Variants in COL25A1 observed in about 807,000 individuals in gnomAD.
The protein encoded by COL25A1 is collagen type XXV alpha 1 chain.
A neutral mutation model predicts 128.4 loss-of-function variants in COL25A1; 103 were observed. That is an observed-to-expected ratio of 0.80 (90% CI 0.68 to 0.94). The LOEUF (loss-of-function observed/expected upper bound fraction) is 0.94, where lower values mean the gene tolerates loss of function less well. COL25A1 is among the 40% of genes least tolerant of loss of function. The pLI, the probability that COL25A1 is intolerant of heterozygous loss-of-function variation, is 0.00. For missense variants in COL25A1, 745 were observed against 840.0 expected (o/e 0.89, Z 1.40); for synonymous variants, 279 against 277.2 (o/e 1.01, Z -0.06).
intron 3 of COL25A1, among the ~76,000 whole-genome samples, chr4:109,283,977 G>A (rs754321512): frequency 1.3e-5 from 2 of 152,112 alleles, no homozygotes; most frequent in African/African-American, 4.8e-5. Flanking sequence ...GACCAAAAAC[G>A]TTTGGAAAAC....
chr4:109,060,017 C>T (rs898406530), intron 3 of COL25A1, among the ~76,000 whole-genome samples: 2 of 152,180 alleles, frequency 1.3e-5, no homozygotes, highest in African/African-American at 4.8e-5. Context: ...AAATTAGCTA[C>T]ATGACTTTGG....
chr4:108,817,508 G>A, intron 36 of COL25A1, 73 bp from the exon 37 acceptor site: 2 of 1,410,770 alleles, frequency 1.4e-6, no homozygotes, highest in Admixed American at 1.9e-5. Flanking sequence ...CACATGCTCA[G>A]AGGCTTAAAA....
At chr4:108,937,285 C>A (rs1747537698) in intron 11 of COL25A1, among the ~76,000 whole-genome samples, 1 of 152,028 alleles carries the variant, frequency 6.6e-6, no homozygotes, top group African/African-American at 2.4e-5. Flanking sequence ...TCATGGGGAA[C>A]TGGGACCTGT....
chr4:109,189,016 C>T (rs1314850750), intron 3 of COL25A1, among the ~76,000 whole-genome samples: 2 of 151,876 alleles, frequency 1.3e-5, no homozygotes, highest in Admixed American at 6.6e-5. Context: ...TGAATGTTTT[C>T]TTCAAACCAT....
intron 20 of COL25A1, 100 bp downstream of exon 20, chr4:108,868,988 A>G: frequency 1.4e-6 from 1 of 713,868 alleles, no homozygotes; most frequent in East Asian, 2.9e-5. Flanking sequence ...GAAGAAAGAC[A>G]ATAAAAGAAA....
intron 5 of COL25A1, among the ~76,000 whole-genome samples, chr4:109,011,198 G>A (rs895731575): frequency 2.0e-5 from 3 of 152,194 alleles, no homozygotes; most frequent in Admixed American, 6.5e-5. Context: ...TTCACACTGA[G>A]TTAAGAAATC....
At chr4:108,829,478 G>A (rs1411038999) in intron 32 of COL25A1, among the ~76,000 whole-genome samples, 6 of 151,994 alleles carry the variant, frequency 3.9e-5, no homozygotes, top group Admixed American at 3.3e-4. Flanking sequence ...ACACACGCAC[G>A]TGTAGTGGGA....
At chr4:109,250,617 G>A (rs1270194289) in intron 3 of COL25A1, among the ~76,000 whole-genome samples, 1 of 152,188 alleles carries the variant, frequency 6.6e-6, no homozygotes, top group Non-Finnish European at 1.5e-5. Flanking sequence ...CTTTATGACA[G>A]AGAAAGCAAA....
intron 31 of COL25A1, chr4:108,838,043 G>T: frequency 8.3e-7 from 1 of 1,209,508 alleles, no homozygotes; most frequent in Non-Finnish European, 1.2e-6. Context: ...TTATCATGTA[G>T]GGTAGAAAGA....
At chr4:109,254,469 T>TTTTATATATATATATATATATATATA (rs1357197026) in intron 3 of COL25A1, among the ~76,000 whole-genome samples, 5 of 59,584 alleles carry the variant, frequency 8.4e-5, no homozygotes, top group African/African-American at 2.8e-4. Context: ...AGGCATATGT[T>TTTTATATATATATATATATATATATA]TATATATATA....
intron 3 of COL25A1, among the ~76,000 whole-genome samples, chr4:109,155,757 T>C (rs1459771627): frequency 1.3e-5 from 2 of 152,232 alleles, no homozygotes; most frequent in Admixed American, 1.3e-4. Context: ...TTCCGTTTTG[T>C]TCACTCACAT....
At chr4:109,148,441 A>C (rs1376449708) in intron 3 of COL25A1, among the ~76,000 whole-genome samples, 1 of 152,162 alleles carries the variant, frequency 6.6e-6, no homozygotes, top group East Asian at 1.9e-4. Context: ...ATTTGTCCAA[A>C]ACAAATATTC....
chr4:109,093,950 T>A (rs185893118), intron 3 of COL25A1, among the ~76,000 whole-genome samples: 1 of 151,996 alleles, frequency 6.6e-6, no homozygotes, highest in Non-Finnish European at 1.5e-5. Context: ...TTGGAAAATA[T>A]CCATACCAAA....
chr4:109,041,287 T>C (rs1189992985), intron 5 of COL25A1, among the ~76,000 whole-genome samples: 2 of 152,078 alleles, frequency 1.3e-5, no homozygotes, highest in African/African-American at 4.8e-5. Context: ...TATGAAGTAA[T>C]CTGGAAGGCC....
chr4:108,852,887 T>C lies in COL25A1; in HGVS notation c.1344+15A>G. 2 of 1,607,242 alleles carry C rather than the reference T, an allele frequency of 1.2e-6. No individual in the cohort carries two copies. Among genetic ancestry groups the C allele is most frequent in the Non-Finnish European group, 1.7e-6 (2 of 1,176,436 alleles). ...ACAAAACCACAAACCACAGAAAGCA[T>C]GCAATAGGAGTTACCGTGACAGTTA... On this transcript the variant is annotated intron_variant, in intron 25 of 37. Transcript: ENST00000399132.
intron 3 of COL25A1, among the ~76,000 whole-genome samples, chr4:109,050,712 G>C (rs1205666510): frequency 6.6e-6 from 1 of 151,970 alleles, no homozygotes; most frequent in Non-Finnish European, 1.5e-5. Flanking sequence ...GAATATATTG[G>C]AATTTCACCG....
At chr4:109,154,399 C>T (rs958290252) in intron 3 of COL25A1, among the ~76,000 whole-genome samples, 4 of 152,158 alleles carry the variant, frequency 2.6e-5, no homozygotes, top group Non-Finnish European at 5.9e-5. Flanking sequence ...CACTCAGGAG[C>T]TGTCTTAAAA....
chr4:108,859,947 T>C (rs545709172), intron 23 of COL25A1, among the ~76,000 whole-genome samples: 74 of 152,172 alleles, frequency 4.9e-4, no homozygotes, highest in African/African-American at 1.6e-3. Flanking sequence ...TTTGGTAGGT[T>C]CAATATATGA....
intron 3 of COL25A1, among the ~76,000 whole-genome samples, chr4:109,239,154 A>T (rs1324581930): frequency 6.6e-6 from 1 of 151,848 alleles, no homozygotes; most frequent in African/African-American, 2.4e-5. Flanking sequence ...AATGATGGGG[A>T]TACATTCTGA....
Sources: allele counts gnomAD v4.1 joint callset (sites outside exome capture counted in the v4.1 genomes callset), GRCh38; gene constraint gnomAD v4.1.1; transcripts MANE v1.5; gene names NCBI Gene and HGNC (gene_info 2026-07-23, HGNC 2026-07-21).